TUBB8: variants seen among roughly 807,000 people sequenced by gnomAD.
The protein encoded by TUBB8 is tubulin beta-8 chain.
TUBB8 carries 25 observed loss-of-function variants against 33.7 expected under a neutral mutation model. The observed-to-expected ratio is 0.74, with a 90% CI of 0.54 to 1.04. TUBB8 has a LOEUF of 1.04. Among genes scored for constraint, TUBB8 ranks in the 50% least tolerant of loss-of-function variants. The pLI is 0.00. For synonymous variants in TUBB8, 245 were observed against 240.1 expected (o/e 1.02, Z -0.19); for missense variants, 279 against 608.0 (o/e 0.46, Z 5.69).
upstream of TUBB8, among the ~76,000 whole-genome samples, chr10:52,977 T>C (rs111855825): frequency 1.3e-5 from 2 of 152,170 alleles, no homozygotes; most frequent in African/African-American, 2.4e-5. Context: ...GCATTTGGTA[T>C]GTTTACCAAA....
At chr10:49,356 G>A (rs1554739144), upstream of TUBB8, 1 of 1,030,134 alleles carries the variant, frequency 9.7e-7, no homozygotes, top group African/African-American at 1.6e-5. Flanking sequence ...CTCCGCCTCG[G>A]ATTCGGCTCC....
Position 48,842 on chromosome 10 carries a change from T to G in TUBB8, c.128A>C (p.Gln43Pro), listed in dbSNP as rs1834414803. The change falls in exon 2 of 4, where the codon CAG (glutamine) becomes CCG (proline). Residue 43 changes from glutamine (Q) to proline (P), a missense_variant. Gln to Pro is a moderately conservative substitution (Grantham distance 76, BLOSUM62 -1). Transcript: ENST00000568584. Reference protein sequence around the residue: ...AGTYHGDSHLQLERINVYYNE... With the variant: ...AGTYHGDSHLPLERINVYYNE... ...GTAGTACACGTTGATGCGCTCCAGC[T>G]GCAGGTGGCTGTCCCCGTGGTAGGT... The G allele has an allele frequency of 4.4e-6, 7 of 1,601,168 alleles. No individual in the cohort carries two copies. Among genetic ancestry groups the G allele is most frequent in the Middle Eastern group, 3.7e-4 (2 of 5,442 alleles).
intron 1 of TUBB8, among the ~76,000 whole-genome samples, chr10:62,314 A>T (rs117823781): frequency 6.6e-6 from 1 of 152,116 alleles, no homozygotes; most frequent in African/African-American, 2.4e-5. Flanking sequence ...CTTATAACAC[A>T]TCATTTTAGA....
At chr10:49,028 G>T in intron 1 of TUBB8, 116 bp from the exon 2 acceptor site, 1 of 1,233,892 alleles carries the variant, frequency 8.1e-7, no homozygotes, top group Non-Finnish European at 1.1e-6. Context: ...TGTCCCTGGG[G>T]TCCACCCCGG....
intron 1 of TUBB8, among the ~76,000 whole-genome samples, chr10:57,023 G>C (rs1834539884): frequency 6.6e-6 from 1 of 152,200 alleles, no homozygotes; most frequent in Non-Finnish European, 1.5e-5. Context: ...CTAAAAGGAA[G>C]AAATCAGCCA....
chr10:63,703 T>G (rs1460365388), intron 1 of TUBB8, among the ~76,000 whole-genome samples: 2 of 152,250 alleles, frequency 1.3e-5, no homozygotes, highest in African/African-American at 4.8e-5. Flanking sequence ...TGTGTTATAT[T>G]GAATTTCTTC....
intron 1 of TUBB8, among the ~76,000 whole-genome samples, chr10:56,314 C>A (rs1466033968): frequency 6.6e-6 from 1 of 152,128 alleles, no homozygotes; most frequent in Non-Finnish European, 1.5e-5. Flanking sequence ...CTGATTTGTA[C>A]ATGTTGATTT....
chr10:50,333 T>C (rs1834450656), upstream of TUBB8: 2 of 152,190 alleles, frequency 1.3e-5, no homozygotes, highest in African/African-American at 4.8e-5. Context: ...GTACTTGGCA[T>C]TAGTAATTTA....
chr10:72,651 G>A (rs1347454590), intron 1 of TUBB8, among the ~76,000 whole-genome samples: 1 of 152,052 alleles, frequency 6.6e-6, no homozygotes. Context: ...AGAAGTTCAA[G>A]ACCAGCCTGG....
chr10:54,582 T>C (rs1213055985), intron 1 of TUBB8, among the ~76,000 whole-genome samples: 6 of 152,252 alleles, frequency 3.9e-5, no homozygotes, highest in African/African-American at 1.2e-4. Context: ...TGATCAGTAA[T>C]GTGGAGCACC....
intron 1 of TUBB8, among the ~76,000 whole-genome samples, chr10:58,280 C>G (rs1344458352): frequency 2.0e-5 from 3 of 152,248 alleles, no homozygotes; most frequent in Non-Finnish European, 4.4e-5. Flanking sequence ...AAAATCTCAA[C>G]TTTCCCTCAT....
At chr10:66,907 A>G (rs1425258414) in intron 1 of TUBB8, among the ~76,000 whole-genome samples, 3 of 152,182 alleles carry the variant, frequency 2.0e-5, no homozygotes, top group Non-Finnish European at 4.4e-5. Flanking sequence ...CAGGAGACAG[A>G]GGTTGCAGTG....
chr10:48,283 C>T (rs782064760), intron 3 of TUBB8, 169 bp from the exon 4 acceptor site: 1 of 815,602 alleles, frequency 1.2e-6, no homozygotes. Context: ...GCAGCTTCCC[C>T]TGTTAGGAAT....
upstream of TUBB8, among the ~76,000 whole-genome samples, chr10:51,156 A>G (rs1296689200): frequency 6.6e-6 from 1 of 152,046 alleles, no homozygotes; most frequent in African/African-American, 2.4e-5. Context: ...TATTTTTGAG[A>G]CAGAGTCTTG....
chr10:72,281 G>C (rs148537598), intron 1 of TUBB8, among the ~76,000 whole-genome samples: 1 of 150,518 alleles, frequency 6.6e-6, no homozygotes, highest in Non-Finnish European at 1.5e-5. Context: ...GCAGCCAGGC[G>C]TGGTGGCTCA....
intron 1 of TUBB8, 83 bp downstream of exon 1, chr10:49,099 T>G (rs868914327): frequency 6.6e-4 from 956 of 1,446,616 alleles, no homozygotes; most frequent in Non-Finnish European, 7.7e-4. Context: ...CCGCAATGCA[T>G]GGGCACCGCC....
chr10:72,997 G>A (rs1483160221), intron 1 of TUBB8, among the ~76,000 whole-genome samples: 2 of 151,894 alleles, frequency 1.3e-5, no homozygotes, highest in African/African-American at 2.4e-5. Flanking sequence ...AAAGATTAGT[G>A]ACTTTCTTCA....
upstream of TUBB8, among the ~76,000 whole-genome samples, chr10:52,725 G>T (rs1588274994): frequency 6.6e-6 from 1 of 152,232 alleles, no homozygotes; most frequent in South Asian, 2.1e-4. Context: ...AAGATGTCTT[G>T]TATGGCCATA....
At chr10:56,806 A>G (rs1228022667) in intron 1 of TUBB8, among the ~76,000 whole-genome samples, 2 of 152,114 alleles carry the variant, frequency 1.3e-5, no homozygotes, top group Admixed American at 1.3e-4. Context: ...GCCATTCCAA[A>G]TCTCATATCC....
Sources: allele counts gnomAD v4.1 joint callset (sites outside exome capture counted in the v4.1 genomes callset), GRCh38; gene constraint gnomAD v4.1.1; transcripts MANE v1.5; gene names NCBI Gene and HGNC (gene_info 2026-07-23, HGNC 2026-07-21).